The following IRAG1 variants were observed in gnomAD, a reference collection of about 807,000 sequenced individuals.
IRAG1 encodes the protein inositol 1,4,5-triphosphate receptor associated 1, also known as IP3R-associated cGMP kinase substrate.
A neutral mutation model predicts 106.2 loss-of-function variants in IRAG1; 62 were observed. The observed-to-expected ratio is 0.58, with a 90% CI of 0.48 to 0.72. IRAG1 has a LOEUF of 0.72. IRAG1 is among the 30% of genes least tolerant of loss of function. IRAG1 has a pLI of 0.00. For synonymous variants in IRAG1, 462 were observed against 443.9 expected (o/e 1.04, Z -0.51); for missense variants, 1,064 against 1,140.7 (o/e 0.93, Z 0.97).
intron 18 of IRAG1, among the ~76,000 whole-genome samples, chr11:10,590,462 C>G (rs192429762): frequency 6.6e-6 from 1 of 152,288 alleles, no homozygotes; most frequent in Admixed American, 6.5e-5. Flanking sequence ...GGGAGCTTGT[C>G]TGTACTGAAA....
chr11:10,583,131 G>C (rs1054151464), intron 18 of IRAG1, among the ~76,000 whole-genome samples: 5 of 152,256 alleles, frequency 3.3e-5, no homozygotes, highest in African/African-American at 1.2e-4. Context: ...CAAGTAGACA[G>C]TTGAATTCAC....
At chr11:10,627,333 A>G (rs1363270540) in intron 8 of IRAG1, among the ~76,000 whole-genome samples, 3 of 152,122 alleles carry the variant, frequency 2.0e-5, no homozygotes, top group Non-Finnish European at 4.4e-5. Context: ...TCATCAACAA[A>G]GATGAGGTTT....
chr11:10,636,484 A>G (rs975189804), intron 2 of IRAG1, among the ~76,000 whole-genome samples: 4 of 152,226 alleles, frequency 2.6e-5, no homozygotes, highest in African/African-American at 9.6e-5. Flanking sequence ...GCCATGATTG[A>G]TATTCTAAAT....
intron 15 of IRAG1, among the ~76,000 whole-genome samples, chr11:10,597,519 A>AGAT (rs978671867): frequency 7.2e-5 from 11 of 151,816 alleles, no homozygotes; most frequent in African/African-American, 2.4e-4. Flanking sequence ...TTTTTTGTGG[A>AGAT]GATAGGGTCT....
intron 1 of IRAG1, among the ~76,000 whole-genome samples, chr11:10,680,522 A>AG (rs1486667097): frequency 4.5e-5 from 6 of 134,388 alleles, no homozygotes; most frequent in African/African-American, 1.9e-4. Context: ...AAAGAAAGGA[A>AG]GAAAGGAAGG....
At chr11:10,629,456 G>A (rs545631577) in intron 5 of IRAG1, 82 bp downstream of exon 5, 55 of 1,459,464 alleles carry the variant, frequency 3.8e-5, no homozygotes, top group South Asian at 2.1e-4. Context: ...GAGGTGAGGC[G>A]CCCACTGCAG....
chr11:10,673,560 T>C (rs984217049), intron 1 of IRAG1, among the ~76,000 whole-genome samples: 2 of 152,164 alleles, frequency 1.3e-5, no homozygotes, highest in East Asian at 3.9e-4. Context: ...AAAAATATTC[T>C]GGAATTAGTT....
intron 1 of IRAG1, among the ~76,000 whole-genome samples, chr11:10,661,294 C>T (rs1859384194): frequency 6.6e-6 from 1 of 152,184 alleles, no homozygotes; most frequent in African/African-American, 2.4e-5. Flanking sequence ...TGGGTTCCTA[C>T]TTGTCCTCCA....
chr11:10,632,608 C>A (rs1856794186), intron 3 of IRAG1, among the ~76,000 whole-genome samples: 3 of 152,186 alleles, frequency 2.0e-5, no homozygotes, highest in African/African-American at 7.2e-5. Flanking sequence ...CAACTCAGAT[C>A]AGAAATTCTG....
At chr11:10,674,723 A>T (rs1860514056) in intron 1 of IRAG1, among the ~76,000 whole-genome samples, 1 of 152,196 alleles carries the variant, frequency 6.6e-6, no homozygotes, top group South Asian at 2.1e-4. Flanking sequence ...ATGAAAGGGA[A>T]TTGAAGCTCA....
chr11:10,653,002 CTGGGGTCCCAGTGCTGAT>C (rs1858643161), intron 1 of IRAG1, among the ~76,000 whole-genome samples: 2 of 152,256 alleles, frequency 1.3e-5, no homozygotes, highest in Admixed American at 1.3e-4. Flanking sequence ...CCTGGGGGCA[CTGGGGTCCCAGTGCTGAT>C]TGGGACTGCA....
At chr11:10,649,266 G>A (rs933791887) in intron 2 of IRAG1, among the ~76,000 whole-genome samples, 1 of 152,242 alleles carries the variant, frequency 6.6e-6, no homozygotes, top group African/African-American at 2.4e-5. Context: ...GCTTTGAAAT[G>A]TCCAGGGCGT....
chr11:10,680,244 G>C (rs1196872255), intron 1 of IRAG1, among the ~76,000 whole-genome samples: 1 of 139,656 alleles, frequency 7.2e-6, no homozygotes, highest in Non-Finnish European at 1.5e-5. Flanking sequence ...CTACACTCCA[G>C]TCTGGGCAAC....
At chr11:10,578,302 G>A (rs1247460819) in intron 20 of IRAG1, among the ~76,000 whole-genome samples, 2 of 152,186 alleles carry the variant, frequency 1.3e-5, no homozygotes, top group Non-Finnish European at 1.5e-5. Flanking sequence ...CAGCCGTTAG[G>A]AGAAAAGACA....
intron 1 of IRAG1, among the ~76,000 whole-genome samples, chr11:10,688,170 G>C (rs143759946): frequency 0.014 from 2,084 of 152,148 alleles, 51 homozygotes; most frequent in African/African-American, 0.048. Context: ...CCATATTACA[G>C]GAGAAGAAAC....
intron 2 of IRAG1, among the ~76,000 whole-genome samples, chr11:10,642,045 G>A (rs1013699083): frequency 5.9e-5 from 9 of 152,088 alleles, no homozygotes; most frequent in African/African-American, 2.2e-4. Context: ...CTTCCTCCAG[G>A]AAGCCCTCAA....
intron 10 of IRAG1, among the ~76,000 whole-genome samples, chr11:10,617,838 C>T (rs1457678795): frequency 6.6e-6 from 1 of 152,194 alleles, no homozygotes; most frequent in Non-Finnish European, 1.5e-5. Context: ...TCCACATTTA[C>T]TACCACCTCA....
chr11:10,592,104 A>G (rs148305620), intron 17 of IRAG1, among the ~76,000 whole-genome samples: 154 of 152,302 alleles, frequency 1.0e-3, no homozygotes, highest in Non-Finnish European at 2.0e-3. Context: ...TACGTTCCCC[A>G]GGATTTCCAG....
At chr11:10,690,205 C>T (rs914543231) in intron 1 of IRAG1, 10 of 340,362 alleles carry the variant, frequency 2.9e-5, no homozygotes, top group Non-Finnish European at 4.5e-5. Context: ...GCCTGGGCAA[C>T]ATGACAAAAC....
Sources: allele counts gnomAD v4.1 joint callset (sites outside exome capture counted in the v4.1 genomes callset), GRCh38; gene constraint gnomAD v4.1.1; transcripts MANE v1.5; gene names NCBI Gene and HGNC (gene_info 2026-07-23, HGNC 2026-07-21).